Variants in TMX3 observed in about 807,000 individuals in gnomAD.
TMX3 encodes protein disulfide-isomerase TMX3.
TMX3 carries 40 observed loss-of-function variants against 64.4 expected under a neutral mutation model. The ratio of observed to expected loss-of-function variants is 0.62; its 90% CI spans 0.48 to 0.81. TMX3 has a LOEUF of 0.81. Among genes scored for constraint, TMX3 ranks in the 30% least tolerant of loss-of-function variants. TMX3 has a pLI of 0.00. For missense variants in TMX3, 497 were observed against 534.5 expected, an observed-to-expected ratio of 0.93 and a Z score of 0.69; for synonymous variants, 189 against 175.7, an observed-to-expected ratio of 1.08 and a Z score of -0.60.
chr18:68,695,812 T>C (rs1008691941), intron 8 of TMX3, among the ~76,000 whole-genome samples: 1 of 152,214 alleles, frequency 6.6e-6, no homozygotes, highest in Non-Finnish European at 1.5e-5. Flanking sequence ...GTAATGTCCT[T>C]AAACAAGAAC....
rs1404432951 is a variant in TMX3 at position 68,697,385 on chromosome 18, C to T, written c.493-82G>A. 5 of 695,810 alleles carry T rather than the reference C, an allele frequency of 7.2e-6. 1 individual carries two copies. Among genetic ancestry groups the T allele is most frequent in the South Asian group, 4.6e-5 (2 of 43,354 alleles). 43.1% of individuals were successfully genotyped at this position (695,810 alleles called of 1,614,324 possible). A position where few individuals can be genotyped will look rare whatever the true frequency, so the allele number is the denominator to read the frequency against. On this transcript the variant is annotated intron_variant, in intron 7 of 15. Transcript: ENST00000299608. Reference sequence around the variant, plus strand: ...TTCCTCATTAAACAATGAGAGTTACCTTATGTAGTAAGAGTCATCACCTTA... The same window carrying T: ...TTCCTCATTAAACAATGAGAGTTACTTTATGTAGTAAGAGTCATCACCTTA...
intron 3 of TMX3, among the ~76,000 whole-genome samples, chr18:68,710,693 G>A (rs2031188886): frequency 1.3e-5 from 2 of 152,170 alleles, no homozygotes; most frequent in South Asian, 4.1e-4. Context: ...ACCAGATGGT[G>A]GAGGTGATAC....
intron 4 of TMX3, among the ~76,000 whole-genome samples, chr18:68,706,714 T>C (rs969392396): frequency 6.6e-6 from 1 of 152,210 alleles, no homozygotes; most frequent in East Asian, 1.9e-4. Context: ...CAATGGCAGA[T>C]GACTTGAAAG....
Position 68,674,002 on chromosome 18 carries a change from G to A in TMX3, c.*2931C>T, listed in dbSNP as rs1248974054. The A allele has an allele frequency of 1.3e-5, 2 of 151,478 alleles. No individual in the cohort carries two copies. Among genetic ancestry groups the A allele is most frequent in the Non-Finnish European group, 2.9e-5 (2 of 67,960 alleles). 9.4% of individuals were successfully genotyped at this position (151,478 alleles called of 1,614,324 possible). On this transcript the variant is annotated 3_prime_UTR_variant, in exon 16 of 16. Coordinates refer to ENST00000299608, the MANE Select transcript of TMX3 (RefSeq NM_019022.5). ...CTGTCCTAACTCCATGTCGTATGAA[G>A]CAATGATGAAAATATGTTACTTTTT...
Position 68,676,838 on chromosome 18 carries a change from TC to T in TMX3, c.*94del, listed in dbSNP as rs1324225565. 5 of 1,452,098 alleles carry T rather than the reference TC, an allele frequency of 3.4e-6. No homozygotes were observed. Among genetic ancestry groups the T allele is most frequent in the East Asian group, 2.3e-5 (1 of 42,566 alleles). The allele number at this position is 1,452,098 out of a possible 1,614,324, so 90.0% of individuals were successfully genotyped here. The stretch of plus-strand genomic sequence containing the variant: ...TATTAGCAAAATACGAATAACATGT[TC>T]TTTTCTGTAAAGATCATGATTAAAT... On this transcript the variant is annotated 3_prime_UTR_variant, in exon 16 of 16. Transcript: ENST00000299608.
chr18:68,697,862 G>C (rs989690360), intron 7 of TMX3, 70 bp downstream of exon 7: 2 of 947,350 alleles, frequency 2.1e-6, no homozygotes, highest in East Asian at 5.0e-5. Context: ...TGCGTTTCTA[G>C]TGAAGTCTTG....
In TMX3 at chr18:68,684,187, T is replaced by C. The variant is rs752770028; in HGVS notation, c.848+3A>G. 6.2e-7 allele frequency: 1 copy of C among 1,603,660 alleles called. No individual in the cohort carries two copies. ...AGGAATCTCTCAGAATATAAGCACCTACCTATGGAAGAGGTCTCTGTAATC... is the reference window on the plus strand; with the variant it reads ...AGGAATCTCTCAGAATATAAGCACCCACCTATGGAAGAGGTCTCTGTAATC... On this transcript the variant is annotated splice_donor_region_variant and intron_variant, in intron 12 of 15. Transcript: ENST00000299608.
chr18:68,677,550 G>T (rs9954435), intron 15 of TMX3, among the ~76,000 whole-genome samples: 1 of 151,816 alleles, frequency 6.6e-6, no homozygotes, highest in African/African-American at 2.4e-5. Flanking sequence ...CTGAACCACA[G>T]GAATCTGCTT....
At chr18:68,693,240 C>T (rs561302845) in intron 8 of TMX3, among the ~76,000 whole-genome samples, 32 of 152,294 alleles carry the variant, frequency 2.1e-4, no homozygotes, top group African/African-American at 7.7e-4. Context: ...ATGCCAGCTG[C>T]AGCAGGGGAG....
In TMX3 at chr18:68,678,597, T is replaced by A. The variant is rs534752558; in HGVS notation, c.1104+866A>T. Among the ~76,000 whole-genome samples the A allele has an allele frequency of 2.6e-5, 4 of 152,010 alleles. No individual in the cohort carries two copies. In the East Asian group the frequency reaches 5.8e-4, roughly 22 times the overall value. On this transcript the variant is annotated intron_variant, in intron 15 of 15. Transcript: ENST00000299608. ...AGAAATCCAGGGGAAATACAACAGA[T>A]CTAATTAGTTTGACAGAGTGAGCAT...
rs1230348620 is a variant in TMX3 at position 68,674,969 on chromosome 18, C to T, written c.*1964G>A. On this transcript the variant is annotated 3_prime_UTR_variant, in exon 16 of 16. Transcript: ENST00000299608. ...GTTTGCATTCACACTGAGCTTTACTCTTTTTTTCCTATTAAGGTCTTTCAT... is the reference window on the plus strand; with the variant it reads ...GTTTGCATTCACACTGAGCTTTACTTTTTTTTTCCTATTAAGGTCTTTCAT... 1 of 152,066 alleles carries T rather than the reference C, an allele frequency of 6.6e-6. No homozygotes were observed. Among genetic ancestry groups the T allele is most frequent in the African/African-American group, 2.4e-5 (1 of 41,426 alleles). 9.4% of individuals were successfully genotyped at this position (152,066 alleles called of 1,614,324 possible).
rs192131840 is a variant in TMX3 at position 68,711,496 on chromosome 18, G to A, written c.102-93C>T. The A allele has an allele frequency of 1.5e-5, 12 of 823,872 alleles. No individual in the cohort carries two copies. In the African/African-American group the frequency reaches 1.6e-4, roughly 11 times the overall value. 51.0% of individuals were successfully genotyped at this position (823,872 alleles called of 1,614,324 possible). ...AGAGATAATACATTGATAAATATAA[G>A]GGAAAGACCCAAATTCCTTCAATAA... On this transcript the variant is annotated intron_variant, in intron 2 of 15. Transcript: ENST00000299608.
chr18:68,687,860 A>G (rs1293324476), intron 9 of TMX3, 95 bp from the exon 10 acceptor site: 2 of 798,570 alleles, frequency 2.5e-6, no homozygotes, highest in Middle Eastern at 2.8e-4. Flanking sequence ...AACGCCTGAC[A>G]GAGAATCATA....
In TMX3 at chr18:68,674,594, G is replaced by A. The variant is rs957722421; in HGVS notation, c.*2339C>T. 2.6e-5 allele frequency: 4 copies of A among 151,986 alleles called. No individual in the cohort carries two copies. Among genetic ancestry groups the A allele is most frequent in the Non-Finnish European group, 5.9e-5 (4 of 67,968 alleles). The allele number at this position is 151,986 out of a possible 1,614,324, so 9.4% of individuals were successfully genotyped here. ...CTTATTAAGAGATCTGTCTTTATAT[G>A]GAAGTAATGTTTCACGGAATGAAAC... On this transcript the variant is annotated 3_prime_UTR_variant, in exon 16 of 16. Coordinates refer to ENST00000299608, the MANE Select transcript of TMX3 (RefSeq NM_019022.5).
At chr18:68,710,190 A>T in intron 3 of TMX3, 46 bp from the exon 4 acceptor site, 1 of 1,461,750 alleles carries the variant, frequency 6.8e-7, no homozygotes, top group South Asian at 1.5e-5. Flanking sequence ...ATAACCATTA[A>T]AATGTTGTGC....
At chr18:68,688,551 G>C (rs1451154786) in intron 9 of TMX3, 1 of 152,108 alleles carries the variant, frequency 6.6e-6, no homozygotes, top group Non-Finnish European at 1.5e-5. Flanking sequence ...AATACATCTG[G>C]TTGAAGAATG....
At chr18:68,678,096 G>A (rs1434839397) in intron 15 of TMX3, among the ~76,000 whole-genome samples, 1 of 152,042 alleles carries the variant, frequency 6.6e-6, no homozygotes, top group Non-Finnish European at 1.5e-5. Context: ...CTGGGCAAGT[G>A]GAAGTATGGA....
intron 5 of TMX3, 173 bp downstream of exon 5, chr18:68,701,572 G>T (rs765457430): frequency 6.9e-7 from 1 of 1,450,528 alleles, no homozygotes. Flanking sequence ...GCTTAAATAC[G>T]AAGAAAAGCA....
chr18:68,712,320 A>G (rs1052084419), intron 2 of TMX3, among the ~76,000 whole-genome samples: 43 of 152,266 alleles, frequency 2.8e-4, no homozygotes, highest in African/African-American at 1.0e-3. Context: ...CTGTCCCTGG[A>G]CAGTATTGTT....
Sources: allele counts gnomAD v4.1 joint callset (sites outside exome capture counted in the v4.1 genomes callset), GRCh38; gene constraint gnomAD v4.1.1; transcripts MANE v1.5; gene names NCBI Gene and HGNC (gene_info 2026-07-23, HGNC 2026-07-21).